Variants in CFAP54 observed in about 807,000 individuals in gnomAD.
The protein encoded by CFAP54 is cilia and flagella associated protein 54.
CFAP54 carries 290 observed loss-of-function variants against 370.4 expected under a neutral mutation model. The observed-to-expected ratio is 0.78, with a 90% CI of 0.71 to 0.86. The LOEUF (loss-of-function observed/expected upper bound fraction) is 0.86, where lower values mean the gene tolerates loss of function less well. CFAP54 is among the 40% of genes least tolerant of loss of function. The pLI, the probability that CFAP54 is intolerant of heterozygous loss-of-function variation, is 0.00. For synonymous variants in CFAP54, 1,206 were observed against 1,236.5 expected (o/e 0.98, Z 0.52); for missense variants, 3,399 against 3,528.7 (o/e 0.96, Z 0.93).
At chr12:96,730,617 CCTT>C (rs1957910078) in intron 50 of CFAP54, among the ~76,000 whole-genome samples, 1 of 152,114 alleles carries the variant, frequency 6.6e-6, no homozygotes, top group African/African-American at 2.4e-5. Context: ...TTTTTTCTCT[CCTT>C]ATTTTTTTCA....
At chr12:96,500,198 T>C (rs542279880) in intron 1 of CFAP54, among the ~76,000 whole-genome samples, 2 of 152,280 alleles carry the variant, frequency 1.3e-5, no homozygotes, top group South Asian at 2.1e-4. Flanking sequence ...AAGAAGCCAA[T>C]CTGAAAAGGC....
In CFAP54 at chr12:96,674,559, C is replaced by T. The variant is rs532463390; in HGVS notation, c.5564-5041C>T. ...ATGTAGACAGCCACACCACCACCAA[C>T]AGAACCCTAATTAGACAACCAGGAA... is the stretch of plus-strand genomic sequence containing the variant. On this transcript the variant is annotated intron_variant, in intron 39 of 67. Transcript: ENST00000524981. Among the ~76,000 whole-genome samples the T allele has an allele frequency of 4.6e-5, 7 of 151,920 alleles. No individual in the cohort carries two copies. In the South Asian group the frequency reaches 1.5e-3, roughly 32 times the overall value.
At position 96,538,522 on chromosome 12, in the gene CFAP54, T is replaced by C. The variant is rs1217173334; in HGVS notation, c.1926+4T>C. On this transcript the variant is annotated splice_donor_region_variant and intron_variant, in intron 13 of 67. Coordinates refer to ENST00000524981, the MANE Select transcript of CFAP54 (RefSeq NM_001306084.2). ...CCAGAAAATCAGTACTAACAAAGTA[T>C]TCCTTTCGCATTCCCTTTCACGTGT... The C allele has an allele frequency of 1.4e-5, 21 of 1,534,890 alleles. No individual in the cohort carries two copies. The highest frequency in any genetic ancestry group is 1.8e-5 in the Non-Finnish European group (21 of 1,146,030).
intron 32 of CFAP54, among the ~76,000 whole-genome samples, chr12:96,643,663 TA>T (rs984604236): frequency 3.3e-5 from 5 of 151,514 alleles, no homozygotes; most frequent in East Asian, 1.9e-4. Flanking sequence ...AATTTGAGTA[TA>T]TTTTTTTCTG....
intron 48 of CFAP54, among the ~76,000 whole-genome samples, chr12:96,717,472 A>T (rs1028037122): frequency 8.5e-5 from 13 of 152,198 alleles, no homozygotes; most frequent in Admixed American, 2.6e-4. Context: ...TGTACTTAAC[A>T]AACTTAATTT....
intron 8 of CFAP54, 142 bp from the exon 9 acceptor site, chr12:96,527,104 C>T (rs767187425): frequency 2.0e-4 from 121 of 616,744 alleles, no homozygotes; most frequent in Non-Finnish European, 2.9e-4. Context: ...CACTGTGTTG[C>T]CCAGGTGGTC....
At chr12:96,662,719 G>A (rs1007832167) in intron 38 of CFAP54, among the ~76,000 whole-genome samples, 13 of 151,922 alleles carry the variant, frequency 8.6e-5, no homozygotes, top group Non-Finnish European at 1.8e-4. Flanking sequence ...GGTTTTCACC[G>A]CACTGTTGTG....
chr12:96,680,615 T>C (rs889539110), intron 40 of CFAP54, among the ~76,000 whole-genome samples: 1 of 152,198 alleles, frequency 6.6e-6, no homozygotes, highest in Non-Finnish European at 1.5e-5. Flanking sequence ...TTTTTACAAA[T>C]GCAGACAGAG....
chr12:96,756,736 A>C (rs761255252), intron 57 of CFAP54, among the ~76,000 whole-genome samples, 173 bp downstream of exon 57: 3 of 152,130 alleles, frequency 2.0e-5, no homozygotes, highest in Non-Finnish European at 4.4e-5. Flanking sequence ...GCCTCCTTTA[A>C]AGTAATGGTA....
chr12:96,648,112 A>G, intron 34 of CFAP54, 95 bp downstream of exon 34: 3 of 878,092 alleles, frequency 3.4e-6, no homozygotes, highest in East Asian at 3.3e-5. Flanking sequence ...ACACAAATGT[A>G]TACACCCAGT....
intron 55 of CFAP54, among the ~76,000 whole-genome samples, chr12:96,752,142 G>A (rs2136655026): frequency 6.7e-6 from 1 of 149,356 alleles, no homozygotes; most frequent in Non-Finnish European, 1.5e-5. Context: ...GATTGAGGCT[G>A]TCCATCATCC....
Position 96,658,043 on chromosome 12 carries a change from A to G in CFAP54, c.5262A>G (p.Leu1754=), listed in dbSNP as rs755780205. 22 of 1,613,920 alleles carry G rather than the reference A, an allele frequency of 1.4e-5. No homozygotes were observed. The highest frequency in any genetic ancestry group is 3.3e-5 in the Admixed American group (2 of 59,998). ...TTGTATTAAAATCTCTGGAAGTTTT[A>G]TATCAAGTGGAAAAATGGGAAACAC... ...HDFVLKSLEV[L]YQVEKWETLV... Residue 1754 remains leucine, a synonymous_variant, in exon 37 of 68, where the codon TTA becomes TTG. Transcript: ENST00000524981.
chr12:96,720,350 A>AG, intron 49 of CFAP54, 55 bp from the exon 50 acceptor site: 1 of 1,279,122 alleles, frequency 7.8e-7, no homozygotes, highest in Non-Finnish European at 1.0e-6. Flanking sequence ...AAGAAGAAAG[A>AG]GACAGTATTT....
intron 45 of CFAP54, among the ~76,000 whole-genome samples, chr12:96,698,123 C>T (rs184129717): frequency 1.3e-5 from 2 of 152,266 alleles, no homozygotes; most frequent in Admixed American, 1.3e-4. Context: ...TGTATATCTT[C>T]ATGTGTCACT....
At chr12:96,571,206 G>T (rs1161174992) in intron 19 of CFAP54, among the ~76,000 whole-genome samples, 1 of 152,124 alleles carries the variant, frequency 6.6e-6, no homozygotes, top group Non-Finnish European at 1.5e-5. Flanking sequence ...ACATCAATCT[G>T]TCCTCATAAG....
chr12:96,750,089 A>AC (rs1332859690), intron 55 of CFAP54, among the ~76,000 whole-genome samples: 137 of 152,386 alleles, frequency 9.0e-4, no homozygotes, highest in African/African-American at 3.0e-3. Context: ...CTGGAAAACC[A>AC]AGAAGGCAGC....
intron 65 of CFAP54, among the ~76,000 whole-genome samples, chr12:96,820,059 G>A (rs1959015066): frequency 6.6e-6 from 1 of 152,152 alleles, no homozygotes; most frequent in South Asian, 2.1e-4. Flanking sequence ...AATCGGGGAT[G>A]AGCAAGACAC....
At chr12:96,872,740 A>G (rs2136474678) in intron 67 of CFAP54, among the ~76,000 whole-genome samples, 1 of 152,276 alleles carries the variant, frequency 6.6e-6, no homozygotes, top group East Asian at 1.9e-4. Flanking sequence ...TCTATGAGCC[A>G]TTGATGTGGG....
chr12:96,726,037 T>C (rs1247761662), intron 50 of CFAP54, among the ~76,000 whole-genome samples: 7 of 146,280 alleles, frequency 4.8e-5, no homozygotes, highest in South Asian at 2.2e-4. Context: ...CACTTGATCA[T>C]GGTGGATAAG....
Sources: allele counts gnomAD v4.1 joint callset (sites outside exome capture counted in the v4.1 genomes callset), GRCh38; gene constraint gnomAD v4.1.1; transcripts MANE v1.5; gene names NCBI Gene and HGNC (gene_info 2026-07-23, HGNC 2026-07-21).